SESTD1: variants seen among roughly 807,000 people sequenced by gnomAD.
SESTD1 encodes SEC14 domain and spectrin repeat-containing protein 1.
In SESTD1, 43 loss-of-function variants were observed where a neutral mutation model predicts 101.7. That is an observed-to-expected ratio of 0.42 (90% CI 0.33 to 0.55). The LOEUF (loss-of-function observed/expected upper bound fraction) is 0.55. Ranked by LOEUF, SESTD1 falls within the 20% of genes least tolerant of loss-of-function variation. The pLI is 0.07. For missense variants in SESTD1, 647 were observed against 815.1 expected, an observed-to-expected ratio of 0.79 and a Z score of 2.51; for synonymous variants, 283 against 286.8, an observed-to-expected ratio of 0.99 and a Z score of 0.13.
At chr2:179,232,978 T>C (rs1574054926) in intron 1 of SESTD1, among the ~76,000 whole-genome samples, 1 of 152,202 alleles carries the variant, frequency 6.6e-6, no homozygotes, top group East Asian at 1.9e-4. Context: ...TAGCTTTCTG[T>C]ATGGTTCTGA....
At chr2:179,191,257 G>A (rs569737401) in intron 2 of SESTD1, among the ~76,000 whole-genome samples, 1 of 152,190 alleles carries the variant, frequency 6.6e-6, no homozygotes, top group South Asian at 2.1e-4. Context: ...AAAAAAACAG[G>A]GAAATCATGC....
intron 9 of SESTD1, among the ~76,000 whole-genome samples, chr2:179,136,178 G>A (rs1357832681): frequency 6.6e-6 from 1 of 152,096 alleles, no homozygotes; most frequent in Non-Finnish European, 1.5e-5. Context: ...AAAGACTTTG[G>A]TTTCTCATCT....
chr2:179,144,734 C>A (rs1193707410), intron 8 of SESTD1, among the ~76,000 whole-genome samples: 33 of 151,874 alleles, frequency 2.2e-4, no homozygotes, highest in Admixed American at 2.2e-3. Context: ...TAAAAGTACC[C>A]ATGATTGTTC....
At chr2:179,137,882 T>G (rs1345889619) in intron 9 of SESTD1, among the ~76,000 whole-genome samples, 1 of 152,196 alleles carries the variant, frequency 6.6e-6, no homozygotes, top group Non-Finnish European at 1.5e-5. Flanking sequence ...CAAAAAAATT[T>G]TCACATTTTC....
intron 1 of SESTD1, among the ~76,000 whole-genome samples, chr2:179,215,441 GA>G (rs1286272937): frequency 7.5e-6 from 1 of 133,834 alleles, no homozygotes; most frequent in African/African-American, 3.0e-5. Flanking sequence ...TTAAACCAGG[GA>G]GAAGTTGAAT....
At chr2:179,174,662 G>A (rs562230542) in intron 4 of SESTD1, among the ~76,000 whole-genome samples, 2 of 152,184 alleles carry the variant, frequency 1.3e-5, no homozygotes, top group South Asian at 2.1e-4. Context: ...CTGATCCTGC[G>A]GAGGCTATGT....
chr2:179,155,019 T>C (rs116727139), intron 5 of SESTD1, among the ~76,000 whole-genome samples: 4,031 of 152,198 alleles, frequency 0.026, 84 homozygotes, highest in Admixed American at 0.035. Context: ...GTTCAAAGGA[T>C]TCTCCTGTCT....
At chr2:179,226,169 A>T (rs1488865232) in intron 1 of SESTD1, among the ~76,000 whole-genome samples, 2 of 152,204 alleles carry the variant, frequency 1.3e-5, no homozygotes, top group East Asian at 3.8e-4. Context: ...TTTATTTCAA[A>T]ATCTCAAGGG....
At chr2:179,183,749 C>T (rs899582669) in intron 2 of SESTD1, among the ~76,000 whole-genome samples, 4 of 150,442 alleles carry the variant, frequency 2.7e-5, no homozygotes, top group East Asian at 3.9e-4. Flanking sequence ...AGGCTGAGGG[C>T]GAGAGTATCA....
rs1033665165 is a variant in SESTD1 at position 179,106,687 on chromosome 2, C to A, written c.*3212G>T. 2.0e-5 allele frequency: 3 copies of A among 152,140 alleles called. No individual in the cohort carries two copies. The highest frequency in any genetic ancestry group is 2.0e-4 in the Admixed American group (3 of 15,266). The allele number at this position is 152,140 out of a possible 1,614,324, so 9.4% of individuals were successfully genotyped here. A position where few individuals can be genotyped will look rare whatever the true frequency, so the allele number is the denominator to read the frequency against. On this transcript the variant is annotated 3_prime_UTR_variant, in exon 18 of 18. Transcript: ENST00000428443. ...TTGTATAAAGTGAGAAGTATTCAAT[C>A]TTCTACCTAACAATGAAGCCTAGAC... is the stretch of plus-strand genomic sequence containing the variant.
At position 179,230,113 on chromosome 2, in the gene SESTD1, C is replaced by CTTTTTTT. The variant is rs71023474; in HGVS notation, c.-26+34379_-26+34385dup. ...AAATATTCCAAACTGGATTGTATCT[C>CTTTTTTT]TTTTTTTTTTTTTTTTTTTTTTTTT... is the stretch of plus-strand genomic sequence containing the variant. On this transcript the variant is annotated intron_variant, in intron 1 of 17. Coordinates refer to ENST00000428443, the MANE Select transcript of SESTD1 (RefSeq NM_178123.5). Among the ~76,000 whole-genome samples, 319 of 56,414 alleles carry CTTTTTTT rather than the reference C, an allele frequency of 5.7e-3. 100 individuals are homozygous for CTTTTTTT. Among genetic ancestry groups the CTTTTTTT allele is most frequent in the East Asian group, 0.011 (13 of 1,138 alleles). 37.0% of individuals were successfully genotyped at this position (56,414 alleles called of 152,430 possible).
At chr2:179,125,280 G>A (rs2044845773) in intron 10 of SESTD1, among the ~76,000 whole-genome samples, 1 of 152,080 alleles carries the variant, frequency 6.6e-6, no homozygotes, top group Non-Finnish European at 1.5e-5. Context: ...CAATCCCATG[G>A]AATCCACCAA....
rs532151514 is a variant in SESTD1, at chr2:179,197,257, G to GA, written c.-25-5392dup. Reference sequence around the variant, plus strand: ...AATGAAGCGAGAAGGGAAATTTAGAGAAAAAAAAATAAAAACAAATGAGCA... The same window carrying GA: ...AATGAAGCGAGAAGGGAAATTTAGAGAAAAAAAAAATAAAAACAAATGAGCA... On this transcript the variant is annotated intron_variant, in intron 1 of 17. Transcript: ENST00000428443. Among the ~76,000 whole-genome samples the GA allele has an allele frequency of 3.5e-4, 53 of 150,364 alleles. 1 individual carries two copies. The South Asian group carries it at 3.8e-3, about 11-fold the overall frequency.
chr2:179,158,509 CT>C (rs2045671988), intron 5 of SESTD1, among the ~76,000 whole-genome samples: 4 of 152,256 alleles, frequency 2.6e-5, no homozygotes, highest in Middle Eastern at 6.8e-3. Context: ...CTTAAAAGCT[CT>C]TTTTCCTAAA....
intron 4 of SESTD1, among the ~76,000 whole-genome samples, chr2:179,175,394 C>A (rs1013962078): frequency 2.6e-5 from 4 of 152,292 alleles, no homozygotes; most frequent in African/African-American, 7.2e-5. Context: ...TGCCTTTCCA[C>A]AGAACCCTAA....
intron 1 of SESTD1, among the ~76,000 whole-genome samples, chr2:179,208,381 G>A (rs1400903357): frequency 1.5e-5 from 2 of 134,522 alleles, no homozygotes; most frequent in Admixed American, 1.4e-4. Flanking sequence ...GAACACCCAG[G>A]AAATTCTTTG....
chr2:179,163,760 T>G (rs2045784647), intron 5 of SESTD1, among the ~76,000 whole-genome samples: 2 of 152,130 alleles, frequency 1.3e-5, no homozygotes, highest in Non-Finnish European at 1.5e-5. Flanking sequence ...ACCACAATAT[T>G]GTATTAACTA....
chr2:179,117,597 C>G lies in SESTD1; in HGVS notation c.1459G>C (p.Asp487His). 1 of 1,576,454 alleles carries G rather than the reference C, an allele frequency of 6.3e-7. No individual in the cohort carries two copies. Among genetic ancestry groups the G allele is most frequent in the Non-Finnish European group, 8.6e-7 (1 of 1,167,950 alleles). ...TGAAGCATCTTTAACCTTCGCACAT[C>G]TACCATGTCTTCACATCTAATGAAC... ...LRKQRCEDMVDVRRLKMLQMV... is the reference protein window; with the variant it reads ...LRKQRCEDMVHVRRLKMLQMV... Residue 487 changes from aspartate (D) to histidine (H), a missense_variant, in exon 14 of 18, where the codon GAT becomes CAT. By Grantham distance (81) the Asp-to-His change is moderately conservative (BLOSUM62 -1). Coordinates refer to ENST00000428443, the MANE Select transcript of SESTD1 (RefSeq NM_178123.5).
At chr2:179,187,361 A>G (rs2046249029) in intron 2 of SESTD1, among the ~76,000 whole-genome samples, 1 of 152,232 alleles carries the variant, frequency 6.6e-6, no homozygotes, top group African/African-American at 2.4e-5. Context: ...ACAGTAGCTC[A>G]TGCCTATAAT....
Sources: gnomAD v4.1 joint callset for allele counts (sites outside exome capture counted in the v4.1 genomes callset) on GRCh38, gnomAD v4.1.1 for gene constraint, MANE v1.5 for transcripts, NCBI Gene and HGNC (gene_info 2026-07-23, HGNC 2026-07-21) for gene names.